DGKE: variants seen among roughly 807,000 people sequenced by gnomAD.
The protein encoded by DGKE is DAG kinase epsilon.
A neutral mutation model predicts 70.0 loss-of-function variants in DGKE; 53 were observed. The ratio of observed to expected loss-of-function variants is 0.76; its 90% CI spans 0.61 to 0.95. The LOEUF (loss-of-function observed/expected upper bound fraction) is 0.95. Ranked by LOEUF, DGKE falls within the 40% of genes least tolerant of loss-of-function variation. The pLI is 0.00. For missense variants in DGKE, 655 were observed against 706.9 expected (o/e 0.93, Z 0.83); for synonymous variants, 291 against 257.0 (o/e 1.13, Z -1.27).
At chr17:56,836,254 AT>A (rs1178703646) in intron 2 of DGKE, 1 of 152,008 alleles carries the variant, frequency 6.6e-6, no homozygotes, top group African/African-American at 2.4e-5. Context: ...GAACGCTATT[AT>A]AATGTCAATA....
rs776393370 is a variant in DGKE, at chr17:56,856,579, A to G, written c.1166A>G (p.His389Arg). The G allele has an allele frequency of 5.0e-6, 8 of 1,613,394 alleles. No individual in the cohort carries two copies. Among genetic ancestry groups the G allele is most frequent in the South Asian group, 2.2e-5 (2 of 91,012 alleles). ...CTCATGGCTCTCAATTTTCATGCTC[A>G]TCGTGAGAAGGCACCATCTCTGTTT... ...DALMALNFHA[H>R]REKAPSLFSS... The change falls in exon 8 of 12, where the codon CAT becomes CGT. Residue 389 changes from histidine to arginine, a missense_variant. By Grantham distance (29) the His-to-Arg change is conservative. Transcript: ENST00000284061.
At chr17:56,839,377 T>C (rs932172056) in intron 2 of DGKE, among the ~76,000 whole-genome samples, 1 of 152,242 alleles carries the variant, frequency 6.6e-6, no homozygotes. Context: ...CAAGACATTT[T>C]AGTAATGTCT....
chr17:56,835,421 C>G, intron 2 of DGKE, 162 bp downstream of exon 2: 1 of 748,970 alleles, frequency 1.3e-6, no homozygotes, highest in Non-Finnish European at 2.1e-6. Context: ...AGCGTGGCAG[C>G]TTTGCAGTAG....
Position 56,861,899 on chromosome 17 carries a change from G to A in DGKE, c.1393G>A (p.Glu465Lys), listed in dbSNP as rs763880430. The A allele has an allele frequency of 7.4e-6, 12 of 1,611,374 alleles. No individual in the cohort carries two copies. Among genetic ancestry groups the A allele is most frequent in the East Asian group, 4.5e-5 (2 of 44,878 alleles). ...CAGACTATGGGAAGGGATGGGGGAC[G>A]AGACTTACCCTCTAGCCAGGTATGT... ...GCRLWEGMGDETYPLARHDDG... is the reference protein window; with the variant it reads ...GCRLWEGMGDKTYPLARHDDG... The change falls in exon 10 of 12, where the codon GAG (glutamate) becomes AAG (lysine). Residue 465 changes from glutamate (E) to lysine (K), a missense_variant. Transcript: ENST00000284061.
At chr17:56,861,969 ATCTCTTG>A (rs1908320768) in intron 10 of DGKE, 51 bp downstream of exon 10, 3 of 1,556,142 alleles carry the variant, frequency 1.9e-6, no homozygotes, top group Non-Finnish European at 2.6e-6. Flanking sequence ...ATTTAAAGCA[ATCTCTTG>A]TTTATAGACT....
Position 56,835,276 on chromosome 17 carries a change from C to T in DGKE, c.464+17C>T. The T allele has an allele frequency of 6.3e-7, 1 of 1,592,698 alleles. No homozygotes were observed. The highest frequency in any genetic ancestry group is 1.1e-5 in the South Asian group (1 of 88,534). Reference sequence around the variant, plus strand: ...CGATTACAGGTATGGTCTTCGTGGACACTCACTGTCCCAGAATGCGCCGTG... The same window carrying T: ...CGATTACAGGTATGGTCTTCGTGGATACTCACTGTCCCAGAATGCGCCGTG... On this transcript the variant is annotated intron_variant, in intron 2 of 11. Transcript: ENST00000284061.
At chr17:56,855,962 C>T (rs749635493) in intron 7 of DGKE, among the ~76,000 whole-genome samples, 2 of 148,416 alleles carry the variant, frequency 1.3e-5, no homozygotes, top group Non-Finnish European at 3.0e-5. Context: ...GCCGAGATCG[C>T]GCCACTGCAT....
At chr17:56,843,246 A>G (rs758250205) in intron 2 of DGKE, among the ~76,000 whole-genome samples, 1 of 152,224 alleles carries the variant, frequency 6.6e-6, no homozygotes, top group Non-Finnish European at 1.5e-5. Flanking sequence ...AAATATTTTT[A>G]AAATAATAGT....
chr17:56,865,320 A>G lies in DGKE; in HGVS notation c.*2529A>G, dbSNP rs981025042. 1 of 152,208 alleles carries G rather than the reference A, an allele frequency of 6.6e-6. No homozygotes were observed. The highest frequency in any genetic ancestry group is 6.5e-5 in the Admixed American group (1 of 15,280). 9.4% of individuals were successfully genotyped at this position (152,208 alleles called of 1,614,324 possible). ...CTTCTACATTCTCAGGAAGAAATAC[A>G]TGAAGTAAATCATATCTCCATGTCT... On this transcript the variant is annotated 3_prime_UTR_variant, in exon 12 of 12. Transcript: ENST00000284061.
chr17:56,860,563 G>T (rs567277477), intron 9 of DGKE, among the ~76,000 whole-genome samples: 16 of 152,314 alleles, frequency 1.1e-4, no homozygotes, highest in African/African-American at 3.6e-4. Flanking sequence ...AAATCACATT[G>T]CAATGCAGTA....
intron 7 of DGKE, among the ~76,000 whole-genome samples, chr17:56,855,742 A>C (rs1234185839): frequency 1.3e-5 from 2 of 152,224 alleles, no homozygotes; most frequent in Non-Finnish European, 2.9e-5. Flanking sequence ...GCGGTGGCTC[A>C]CGCCTGTAAT....
chr17:56,845,838 A>T (rs1317947268), intron 4 of DGKE, 29 bp downstream of exon 4: 1 of 1,559,490 alleles, frequency 6.4e-7, no homozygotes, highest in East Asian at 2.3e-5. Flanking sequence ...TTTTTATATT[A>T]ATGTTTTCAT....
At chr17:56,836,018 C>T (rs1906594946) in intron 2 of DGKE, 5 of 152,136 alleles carry the variant, frequency 3.3e-5, no homozygotes, top group Admixed American at 3.3e-4. Flanking sequence ...AAATTAAAGC[C>T]CGTTAGGTCC....
intron 4 of DGKE, chr17:56,847,249 G>A (rs1448704811): frequency 1.3e-5 from 2 of 151,142 alleles, no homozygotes; most frequent in East Asian, 3.9e-4. Flanking sequence ...GCCAGTATAA[G>A]ATATGAAACA....
chr17:56,851,217 G>T (rs1392071017), intron 7 of DGKE, among the ~76,000 whole-genome samples: 3 of 151,992 alleles, frequency 2.0e-5, no homozygotes. Context: ...AAAATAGAAG[G>T]AGTGAGCGAA....
At position 56,845,759 on chromosome 17, in the gene DGKE, A is replaced by T. The variant is rs1227653538; in HGVS notation, c.694A>T (p.Met232Leu). The T allele has an allele frequency of 2.5e-6, 4 of 1,612,712 alleles. No homozygotes were observed. The highest frequency in any genetic ancestry group is 3.4e-6 in the Non-Finnish European group (4 of 1,179,254). The change falls in exon 4 of 12, where the codon ATG becomes TTG. Residue 232 changes from methionine to leucine, a missense_variant. By Grantham distance (15) the Met-to-Leu change is conservative. Transcript: ENST00000284061. ...GGCCAACTCTCGTAGTGGAACTAAT[A>T]TGGGAGAAGGACTGTTGGGAGAATT... ...ILANSRSGTN[M>L]GEGLLGEFRI...
At chr17:56,852,283 G>A (rs148105345) in intron 7 of DGKE, among the ~76,000 whole-genome samples, 13,533 of 151,050 alleles carry the variant, frequency 0.09, 818 homozygotes, top group Non-Finnish European at 0.13. Flanking sequence ...TGTGGTCGTG[G>A]GTGCCTGTAA....
chr17:56,839,573 C>T (rs976112204), intron 2 of DGKE, among the ~76,000 whole-genome samples: 5 of 152,162 alleles, frequency 3.3e-5, no homozygotes, highest in African/African-American at 7.2e-5. Context: ...GGCTGGAAGA[C>T]GGTGGCAAGA....
chr17:56,858,124 CCT>C (rs1255065839), intron 8 of DGKE, among the ~76,000 whole-genome samples: 2 of 151,696 alleles, frequency 1.3e-5, no homozygotes, highest in African/African-American at 2.4e-5. Context: ...CCACATTTCC[CCT>C]GAGAAAGAGG....
Sources: gnomAD v4.1 joint callset for allele counts (sites outside exome capture counted in the v4.1 genomes callset) on GRCh38, gnomAD v4.1.1 for gene constraint, MANE v1.5 for transcripts, NCBI Gene and HGNC (gene_info 2026-07-23, HGNC 2026-07-21) for gene names.